The following SLC27A6 variants were observed in gnomAD, a reference collection of about 807,000 sequenced individuals.
SLC27A6 encodes the protein solute carrier family 27 member 6, also known as long-chain fatty acid transport protein 6.
SLC27A6 carries 74 observed loss-of-function variants against 63.9 expected under a neutral mutation model. The ratio of observed to expected loss-of-function variants is 1.16; its 90% CI spans 0.96 to 1.40. The LOEUF (loss-of-function observed/expected upper bound fraction) is 1.40. SLC27A6 is among the 40% of genes most tolerant of loss of function. The probability of loss-of-function intolerance (pLI) is 0.00; values close to 1 mark genes in which losing one functional copy is unlikely to be tolerated. For missense variants in SLC27A6, 794 were observed against 732.9 expected (o/e 1.08, Z -0.96); for synonymous variants, 287 against 260.8 (o/e 1.10, Z -0.97).
At chr5:128,992,165 T>C (rs989930323) in intron 4 of SLC27A6, among the ~76,000 whole-genome samples, 2 of 19,302 alleles carry the variant, frequency 1.0e-4, no homozygotes, top group African/African-American at 4.7e-4. Context: ...GACCCACCTT[T>C]CCTTGACTAG....
intron 9 of SLC27A6, among the ~76,000 whole-genome samples, chr5:129,029,976 C>T (rs186575786): frequency 2.8e-4 from 42 of 152,082 alleles, no homozygotes; most frequent in African/African-American, 8.7e-4. Flanking sequence ...GTCCCAGTGA[C>T]GGTGGCAATC....
At chr5:128,967,819 T>C (rs1749967929) in intron 1 of SLC27A6, among the ~76,000 whole-genome samples, 1 of 152,166 alleles carries the variant, frequency 6.6e-6, no homozygotes, top group African/African-American at 2.4e-5. Context: ...AGTGCAGGTT[T>C]GTTATGTATG....
intron 6 of SLC27A6, 79 bp downstream of exon 6, chr5:129,023,789 G>C (rs1343961417): frequency 9.5e-7 from 1 of 1,051,918 alleles, no homozygotes; most frequent in Admixed American, 2.2e-5. Context: ...GTATCCTTGG[G>C]GGATTGGTTC....
chr5:128,967,985 C>G (rs1473263915), intron 1 of SLC27A6, among the ~76,000 whole-genome samples: 1 of 151,560 alleles, frequency 6.6e-6, no homozygotes, highest in South Asian at 2.1e-4. Context: ...TTTTTCAGTT[C>G]CCACCTATGA....
intron 2 of SLC27A6, among the ~76,000 whole-genome samples, chr5:128,987,791 C>A (rs929342016): frequency 1.3e-5 from 2 of 151,490 alleles, no homozygotes; most frequent in Admixed American, 6.6e-5. Context: ...AGGATGAACA[C>A]ACAAATAAAT....
At chr5:128,966,817 T>G (rs1749923011) in intron 1 of SLC27A6, among the ~76,000 whole-genome samples, 199 bp downstream of exon 1, 1 of 152,230 alleles carries the variant, frequency 6.6e-6, no homozygotes, top group South Asian at 2.1e-4. Flanking sequence ...CAGAAAACTT[T>G]TATGAAATCT....
rs760669811 is a variant in SLC27A6 at position 128,966,406 on chromosome 5, G to A, written c.269G>A (p.Ser90Asn). ...YTYQDVDKRS[S>N]RVAHVFLNHS... is the part of the protein sequence containing the mutation. Reference sequence around the variant, plus strand: ...TATCAGGATGTAGACAAAAGGAGCAGCAGAGTGGCCCATGTCTTCCTGAAC... The same window carrying A: ...TATCAGGATGTAGACAAAAGGAGCAACAGAGTGGCCCATGTCTTCCTGAAC... Residue 90 changes from serine (S) to asparagine (N), a missense_variant, in exon 1 of 10, where the codon AGC becomes AAC. Ser to Asn is a conservative substitution (Grantham distance 46, BLOSUM62 1). Coordinates refer to ENST00000262462, the MANE Select transcript of SLC27A6 (RefSeq NM_001017372.3). 2.5e-6 allele frequency: 4 copies of A among 1,610,886 alleles called. No individual in the cohort carries two copies. Among genetic ancestry groups the A allele is most frequent in the Non-Finnish European group, 3.4e-6 (4 of 1,178,520 alleles).
intron 2 of SLC27A6, among the ~76,000 whole-genome samples, chr5:128,986,273 C>T (rs1419761945): frequency 3.9e-5 from 6 of 152,192 alleles, no homozygotes; most frequent in Admixed American, 3.9e-4. Context: ...GATTGCACCT[C>T]TGCACTCCAG....
At chr5:128,968,100 T>C (rs1749980015) in intron 1 of SLC27A6, among the ~76,000 whole-genome samples, 1 of 152,194 alleles carries the variant, frequency 6.6e-6, no homozygotes, top group African/African-American at 2.4e-5. Context: ...CTCATCCTTT[T>C]TTATGGCTGC....
At position 129,028,436 on chromosome 5, in the gene SLC27A6, A is replaced by C. The variant is rs765930137; in HGVS notation, c.1546A>C (p.Ile516Leu). ...GGAAGCAAACGTCTATGGTGTGGCT[A>C]TATCAGGTATAAATATATTTCAGAT... The part of the protein sequence containing the change: ...IQEANVYGVA[I>L]SGYEGRAGMA... Residue 516 changes from isoleucine to leucine, a missense_variant, in exon 8 of 10, where the codon ATA becomes CTA. Coordinates refer to ENST00000262462, the MANE Select transcript of SLC27A6 (RefSeq NM_001017372.3). 6.4e-7 allele frequency: 1 copy of C among 1,571,960 alleles called. No individual in the cohort carries two copies. The highest frequency in any genetic ancestry group is 1.7e-5 in the Admixed American group (1 of 59,206).
At chr5:129,027,353 A>G (rs1752280104) in intron 7 of SLC27A6, 22 bp downstream of exon 7, 3 of 1,560,352 alleles carry the variant, frequency 1.9e-6, no homozygotes, top group African/African-American at 1.4e-5. Context: ...TATGGGATCC[A>G]TAGCTTGTTC....
intron 1 of SLC27A6, among the ~76,000 whole-genome samples, chr5:128,977,455 A>G (rs1477955533): frequency 6.6e-6 from 1 of 152,066 alleles, no homozygotes; most frequent in Non-Finnish European, 1.5e-5. Context: ...AAAAGGTGAG[A>G]GAGAAAAGGA....
At chr5:129,029,371 T>G (rs1157705756) in intron 8 of SLC27A6, among the ~76,000 whole-genome samples, 3 of 152,044 alleles carry the variant, frequency 2.0e-5, no homozygotes, top group Admixed American at 1.3e-4. Context: ...CAATTAGAGA[T>G]AGACTCTGGC....
rs1357437001 is a variant in SLC27A6 at position 129,033,342 on chromosome 5, ATTCT to A, written c.*63_*66del. On this transcript the variant is annotated 3_prime_UTR_variant, in exon 10 of 10. Transcript: ENST00000262462. ...AGGAAGAGTGAGAGGGGGGTATATG[ATTCT>A]TTATGAAATGGGGAAAGGGAGCTAA... is the stretch of plus-strand genomic sequence containing the variant. 2 of 990,104 alleles carry A rather than the reference ATTCT, an allele frequency of 2.0e-6. No homozygotes were observed. The highest frequency in any genetic ancestry group is 2.9e-6 in the Non-Finnish European group (2 of 685,872). The allele number at this position is 990,104 out of a possible 1,614,324, so 61.3% of individuals were successfully genotyped here.
intron 5 of SLC27A6, among the ~76,000 whole-genome samples, chr5:129,017,611 AG>A (rs1377201741): frequency 6.6e-6 from 1 of 152,180 alleles, no homozygotes; most frequent in Non-Finnish European, 1.5e-5. Flanking sequence ...ATTTTTAAAA[AG>A]TAAATCGATT....
At chr5:129,001,418 G>A (rs375018553) in intron 4 of SLC27A6, among the ~76,000 whole-genome samples, 2 of 152,162 alleles carry the variant, frequency 1.3e-5, no homozygotes, top group Non-Finnish European at 2.9e-5. Flanking sequence ...GAGTGTCTGT[G>A]AAGAAAGCAA....
chr5:129,010,930 T>C (rs1278452826), intron 4 of SLC27A6, among the ~76,000 whole-genome samples: 1 of 152,196 alleles, frequency 6.6e-6, no homozygotes, highest in Non-Finnish European at 1.5e-5. Context: ...CACTGTGAGA[T>C]AGTAACTTGA....
At chr5:129,013,951 C>G (rs1200951880) in intron 4 of SLC27A6, among the ~76,000 whole-genome samples, 1 of 152,142 alleles carries the variant, frequency 6.6e-6, no homozygotes, top group African/African-American at 2.4e-5. Flanking sequence ...ACAAAAGGCT[C>G]AGATTCTAGG....
intron 4 of SLC27A6, among the ~76,000 whole-genome samples, chr5:129,004,552 T>G (rs1281986909): frequency 6.6e-6 from 1 of 152,244 alleles, no homozygotes; most frequent in African/African-American, 2.4e-5. Flanking sequence ...GTGCTCATTA[T>G]GTTTATGCAT....
Sources: gnomAD v4.1 joint callset for allele counts (sites outside exome capture counted in the v4.1 genomes callset) on GRCh38, gnomAD v4.1.1 for gene constraint, MANE v1.5 for transcripts, NCBI Gene and HGNC (gene_info 2026-07-23, HGNC 2026-07-21) for gene names.